DNAI7: variants seen among roughly 807,000 people sequenced by gnomAD.
DNAI7 encodes dynein axonemal intermediate chain 7.
In DNAI7, 78 loss-of-function variants were observed where a neutral mutation model predicts 86.6. The observed-to-expected ratio is 0.90, with a 90% CI of 0.75 to 1.09. DNAI7 has a LOEUF of 1.09. DNAI7 is among the 50% of genes least tolerant of loss of function. DNAI7 has a pLI of 0.00. For synonymous variants in DNAI7, 274 were observed against 273.0 expected (o/e 1.00, Z -0.04); for missense variants, 753 against 810.2 (o/e 0.93, Z 0.86).
chr12:25,174,366 T>C, intron 2 of DNAI7, among the ~76,000 whole-genome samples: 1 of 502 alleles, frequency 2.0e-3, no homozygotes, highest in African/African-American at 2.3e-3. Context: ...ATATCCCATA[T>C]ATATGTTATA....
downstream of DNAI7, among the ~76,000 whole-genome samples, chr12:25,107,370 G>A (rs900650775): frequency 1.3e-5 from 2 of 152,062 alleles, no homozygotes; most frequent in African/African-American, 2.4e-5. Context: ...AGTATATACT[G>A]GGTTTAGTAC....
chr12:25,115,011 G>A (rs571447540), intron 12 of DNAI7, 141 bp from the exon 13 acceptor site: 8 of 630,652 alleles, frequency 1.3e-5, no homozygotes, highest in South Asian at 2.0e-5. Flanking sequence ...GGCCAGCTTC[G>A]CTGAGAGATT....
intron 5 of DNAI7, 77 bp from the exon 6 acceptor site, chr12:25,154,533 G>A: frequency 6.8e-7 from 1 of 1,481,478 alleles, no homozygotes; most frequent in Non-Finnish European, 9.2e-7. Flanking sequence ...TTTTGAAGGT[G>A]AATTTTTATA....
At position 25,158,573 on chromosome 12, in the gene DNAI7, C is replaced by G. The variant is rs199651376; in HGVS notation, c.107-10G>C. The G allele has an allele frequency of 3.8e-4, 610 of 1,605,800 alleles. 1 individual carries two copies. The highest frequency in any genetic ancestry group is 5.0e-4 in the Non-Finnish European group (588 of 1,176,404). ...TTCAAACGGGCTTCCTCTAAAGAAC[C>G]AAAAATAATTTTTTTCTCAGTGAAT... On this transcript the variant is annotated splice_polypyrimidine_tract_variant and intron_variant, in intron 3 of 15. Coordinates refer to ENST00000395987, the MANE Select transcript of DNAI7 (RefSeq NM_018272.5).
chr12:25,142,203 G>A (rs1944274834), intron 9 of DNAI7, among the ~76,000 whole-genome samples: 1 of 152,168 alleles, frequency 6.6e-6, no homozygotes, highest in African/African-American at 2.4e-5. Context: ...GCAGCAACCT[G>A]GATGGAACTG....
intron 11 of DNAI7, among the ~76,000 whole-genome samples, chr12:25,121,437 C>T (rs1203766776): frequency 6.6e-6 from 1 of 152,160 alleles, no homozygotes. Flanking sequence ...ACCATCTGGC[C>T]TGTTACAGAA....
intron 12 of DNAI7, among the ~76,000 whole-genome samples, chr12:25,116,438 T>C (rs1431090164): frequency 6.6e-6 from 1 of 152,112 alleles, no homozygotes; most frequent in South Asian, 2.1e-4. Flanking sequence ...ATTACTGAAG[T>C]TGTAGAGTGA....
chr12:25,117,535 C>T (rs958202250), intron 12 of DNAI7, among the ~76,000 whole-genome samples: 1 of 152,118 alleles, frequency 6.6e-6, no homozygotes, highest in Non-Finnish European at 1.5e-5. Context: ...GTACTCCTCT[C>T]ATCTAGGATC....
intron 9 of DNAI7, 148 bp from the exon 10 acceptor site, chr12:25,123,434 G>A: frequency 4.4e-6 from 2 of 458,392 alleles, no homozygotes; most frequent in Non-Finnish European, 7.6e-6. Flanking sequence ...CCATAAAACT[G>A]GACTCAAAAG....
chr12:25,117,604 C>G (rs1940383982), intron 12 of DNAI7, among the ~76,000 whole-genome samples: 1 of 152,118 alleles, frequency 6.6e-6, no homozygotes, highest in Non-Finnish European at 1.5e-5. Flanking sequence ...AGCAAGCCTA[C>G]TCCAAAAGAG....
At chr12:25,145,022 T>C (rs953607528) in intron 8 of DNAI7, among the ~76,000 whole-genome samples, 3 of 152,206 alleles carry the variant, frequency 2.0e-5, no homozygotes, top group African/African-American at 4.8e-5. Flanking sequence ...TGGATATTTT[T>C]ACTTCTGTGG....
In DNAI7 at chr12:25,111,811, A is replaced by G; in HGVS notation, c.1740T>C (p.Pro580=). ...ALKEAGLNIF[P]TRHSHFYVII... is the part of the protein sequence containing the mutation. ...TAACATAAAAATGAGAGTGTCTAGT[A>G]GGAAAGATATTCAGTCCAGCTTCTT... The change falls in exon 14 of 16, where the codon CCT becomes CCC. Residue 580 remains proline, a synonymous_variant. Transcript: ENST00000395987. The G allele has an allele frequency of 6.3e-7, 1 of 1,599,634 alleles. No homozygotes were observed. Among genetic ancestry groups the G allele is most frequent in the Non-Finnish European group, 8.5e-7 (1 of 1,174,102 alleles).
chr12:25,166,034 C>T (rs572118346), intron 2 of DNAI7, among the ~76,000 whole-genome samples: 2 of 152,116 alleles, frequency 1.3e-5, no homozygotes, highest in Non-Finnish European at 2.9e-5. Flanking sequence ...CCCATCTTAA[C>T]CCACAAGTAT....
At chr12:25,182,869 A>G (rs765799504) in intron 2 of DNAI7, among the ~76,000 whole-genome samples, 16 of 152,012 alleles carry the variant, frequency 1.1e-4, no homozygotes, top group Non-Finnish European at 4.4e-5. Flanking sequence ...GCCCGCTGTA[A>G]GCCAAGATCA....
rs1479120207 is a variant in DNAI7, at chr12:25,174,511, TATATATATC to T, written c.22-13323_22-13315del. Among the ~76,000 whole-genome samples the T allele has an allele frequency of 1.8e-4, 21 of 114,422 alleles. 2 individuals carry two copies. The highest frequency in any genetic ancestry group is 1.3e-3 in the East Asian group (6 of 4,648). 75.1% of individuals were successfully genotyped at this position (114,422 alleles called of 152,430 possible). ...TATCATATATCCCATATATATGGGATATATATATCATATATATCATATATATGGGATATA... is the reference window on the plus strand; with the variant it reads ...TATCATATATCCCATATATATGGGATATATATATCATATATATGGGATATA... On this transcript the variant is annotated intron_variant, in intron 2 of 15. Transcript: ENST00000395987.
chr12:25,173,934 A>AATCATACATATGGAATATATAT (rs1948446818), intron 2 of DNAI7, among the ~76,000 whole-genome samples: 2 of 143,192 alleles, frequency 1.4e-5, no homozygotes, highest in Admixed American at 1.4e-4. Flanking sequence ...TATCATATAT[A>AATCATACATATGGAATATATAT]ATCATATATA....
At chr12:25,111,963 G>A (rs1938932937) in intron 13 of DNAI7, 24 bp from the exon 14 acceptor site, 1 of 1,500,670 alleles carries the variant, frequency 6.7e-7, no homozygotes, top group South Asian at 1.3e-5. Context: ...GAAAAAAGAA[G>A]CTTTTATGTA....
chr12:25,109,455 T>C (rs991837488), intron 15 of DNAI7, among the ~76,000 whole-genome samples: 1 of 152,114 alleles, frequency 6.6e-6, no homozygotes, highest in Non-Finnish European at 1.5e-5. Context: ...GGTGTGATCA[T>C]AGCTCACTTC....
intron 2 of DNAI7, among the ~76,000 whole-genome samples, chr12:25,188,473 A>G (rs1820751046): frequency 6.6e-6 from 1 of 152,202 alleles, no homozygotes; most frequent in African/African-American, 2.4e-5. Flanking sequence ...ACCAGAAAGT[A>G]TAAAATATAT....
Sources: allele counts gnomAD v4.1 joint callset (sites outside exome capture counted in the v4.1 genomes callset), GRCh38; gene constraint gnomAD v4.1.1; transcripts MANE v1.5; gene names NCBI Gene and HGNC (gene_info 2026-07-23, HGNC 2026-07-21).